Variants in MDH1B observed in about 807,000 individuals in gnomAD.
The protein encoded by MDH1B is putative malate dehydrogenase 1B.
In MDH1B, 60 loss-of-function variants were observed where a neutral mutation model predicts 61.4. The observed-to-expected ratio is 0.98, with a 90% CI of 0.79 to 1.21. MDH1B has a LOEUF of 1.21. Ranked by LOEUF, MDH1B falls within the 50% of genes most tolerant of loss-of-function variation. The pLI is 0.00. For synonymous variants in MDH1B, 236 were observed against 218.7 expected (o/e 1.08, Z -0.70); for missense variants, 587 against 632.1 (o/e 0.93, Z 0.76).
chr2:206,748,972 T>C, intron 7 of MDH1B, 48 bp downstream of exon 7: 2 of 1,551,308 alleles, frequency 1.3e-6, no homozygotes, highest in East Asian at 2.2e-5. Flanking sequence ...GCACGAGTTA[T>C]AGATAGAGGT....
chr2:206,756,656 T>G, intron 4 of MDH1B: 15 of 463,876 alleles, frequency 3.2e-5, no homozygotes, highest in East Asian at 7.9e-5. Context: ...ATAGAGTTGT[T>G]TTTAGACCAA....
chr2:206,759,850 C>T (rs930345052), intron 2 of MDH1B, among the ~76,000 whole-genome samples: 12 of 152,254 alleles, frequency 7.9e-5, no homozygotes, highest in Non-Finnish European at 1.8e-4. Context: ...GCACTACCAA[C>T]CCAGCAGATG....
Position 206,750,950 on chromosome 2 carries a change from T to C in MDH1B, c.1036A>G (p.Asn346Asp). 6.2e-7 allele frequency: 1 copy of C among 1,608,300 alleles called. No homozygotes were observed. Among genetic ancestry groups the C allele is most frequent in the Non-Finnish European group, 8.5e-7 (1 of 1,177,516 alleles). The change falls in exon 6 of 12, where the codon AAC (asparagine) becomes GAC (aspartate). Residue 346 changes from asparagine (N) to aspartate (D), a missense_variant. Transcript: ENST00000374412. Reference sequence around the variant, plus strand: ...ATACTGTACCTGTCAAAAATCAAGTTTAAAACAGGGCGTGAATAATGAAGA... The same window carrying C: ...ATACTGTACCTGTCAAAAATCAAGTCTAAAACAGGGCGTGAATAATGAAGA... ...GPLHYSRPVL[N>D]LIFDSEWVKR... is the part of the protein sequence containing the mutation.
At chr2:206,752,394 T>A (rs946264818) in intron 5 of MDH1B, among the ~76,000 whole-genome samples, 5 of 152,160 alleles carry the variant, frequency 3.3e-5, no homozygotes, top group Non-Finnish European at 7.4e-5. Flanking sequence ...AGATTTTCGG[T>A]AGCCCACCAT....
chr2:206,761,853 C>T (rs1689114568), intron 1 of MDH1B, among the ~76,000 whole-genome samples: 1 of 152,134 alleles, frequency 6.6e-6, no homozygotes, highest in Admixed American at 6.5e-5. Flanking sequence ...TCTGAAGCTA[C>T]CCCTGTCTAT....
intron 5 of MDH1B, among the ~76,000 whole-genome samples, chr2:206,751,422 G>A (rs1688433973): frequency 6.6e-6 from 1 of 152,200 alleles, no homozygotes; most frequent in African/African-American, 2.4e-5. Context: ...GAGAGAGTGA[G>A]TGAGAGGTCA....
At chr2:206,749,994 C>T (rs1314356979) in intron 6 of MDH1B, among the ~76,000 whole-genome samples, 1 of 152,146 alleles carries the variant, frequency 6.6e-6, no homozygotes, top group Non-Finnish European at 1.5e-5. Flanking sequence ...GCTAACCCTG[C>T]ACGACACAGC....
intron 5 of MDH1B, among the ~76,000 whole-genome samples, chr2:206,753,933 T>C (rs1403690634): frequency 6.6e-6 from 1 of 151,526 alleles, no homozygotes; most frequent in South Asian, 2.1e-4. Context: ...TTTTCAGTAG[T>C]GTATCATAGA....
At chr2:206,743,315 T>C (rs968215603) in intron 9 of MDH1B, among the ~76,000 whole-genome samples, 13 of 152,348 alleles carry the variant, frequency 8.5e-5, no homozygotes, top group African/African-American at 2.6e-4. Flanking sequence ...CATCTGACAG[T>C]GTAGAACAGT....
At chr2:206,765,193 A>G (rs2105966018) in intron 1 of MDH1B, 57 bp downstream of exon 1, 1 of 1,587,740 alleles carries the variant, frequency 6.3e-7, no homozygotes, top group Non-Finnish European at 8.5e-7. Flanking sequence ...CGGCCATGGG[A>G]GGTGAGCTGT....
chr2:206,751,612 A>T (rs1457745075), intron 5 of MDH1B, among the ~76,000 whole-genome samples: 1 of 152,214 alleles, frequency 6.6e-6, no homozygotes. Flanking sequence ...ATAGTTATGA[A>T]TTCTATTCTA....
Position 206,750,984 on chromosome 2 carries a change from A to G in MDH1B, c.1002T>C (p.Ile334=). ...GGCGTGAATAATGAAGAGGTCCCCA[A>G]ATGGCACTCTCATATCTGTACACCC... ...KTRVYRYESA[I]WGPLHYSRPV... is the part of the protein sequence containing the mutation. The change falls in exon 6 of 12, where the codon ATT becomes ATC. Residue 334 remains isoleucine (I), a synonymous_variant. Transcript: ENST00000374412. 8 of 1,612,092 alleles carry G rather than the reference A, an allele frequency of 5.0e-6. No homozygotes were observed. Among genetic ancestry groups the G allele is most frequent in the Non-Finnish European group, 6.8e-6 (8 of 1,178,822 alleles).
intron 4 of MDH1B, among the ~76,000 whole-genome samples, chr2:206,755,831 T>C (rs916354301): frequency 3.3e-5 from 5 of 152,152 alleles, no homozygotes; most frequent in Non-Finnish European, 7.3e-5. Flanking sequence ...TGTGTTTATA[T>C]TTCCTCCTAA....
chr2:206,757,046 T>C lies in MDH1B; in HGVS notation c.271-6A>G. The C allele has an allele frequency of 1.2e-6, 2 of 1,610,888 alleles. No homozygotes were observed. Among genetic ancestry groups the C allele is most frequent in the Non-Finnish European group, 1.7e-6 (2 of 1,178,456 alleles). On this transcript the variant is annotated splice_polypyrimidine_tract_variant and splice_region_variant and intron_variant, in intron 3 of 11. Coordinates refer to ENST00000374412, the MANE Select transcript of MDH1B (RefSeq NM_001039845.3). The stretch of plus-strand genomic sequence containing the variant: ...GAGGTGACATCATAGTAAAGCTAAA[T>C]ATTGGGAGAGAAAAAGTCAATATCA...
At chr2:206,763,872 G>A (rs1328085746) in intron 1 of MDH1B, among the ~76,000 whole-genome samples, 1 of 143,872 alleles carries the variant, frequency 7.0e-6, no homozygotes, top group Non-Finnish European at 1.5e-5. Context: ...CTCTCCCTCT[G>A]GGAAACCCTT....
At chr2:206,750,095 G>C (rs775428500) in intron 6 of MDH1B, among the ~76,000 whole-genome samples, 1 of 152,012 alleles carries the variant, frequency 6.6e-6, no homozygotes, top group Non-Finnish European at 1.5e-5. Flanking sequence ...CTAGGCAGGG[G>C]CGAAGCTCCT....
At chr2:206,754,892 T>C in intron 5 of MDH1B, 117 bp downstream of exon 5, 1 of 1,194,690 alleles carries the variant, frequency 8.4e-7, no homozygotes, top group Non-Finnish European at 1.2e-6. Context: ...ATGTCTGTTT[T>C]ATACTTCCTA....
rs368519262 is a variant in MDH1B at position 206,748,944 on chromosome 2, G to T, written c.1216+76C>A. The T allele has an allele frequency of 8.0e-5, 105 of 1,306,792 alleles. No homozygotes were observed. The African/African-American group carries it at 1.4e-3, about 17-fold the overall frequency. The allele number at this position is 1,306,792 out of a possible 1,614,324, so 80.9% of individuals were successfully genotyped here. On this transcript the variant is annotated intron_variant, in intron 7 of 11. Transcript: ENST00000374412. Reference sequence around the variant, plus strand: ...GGACCATGTTAAGAGCTAGATGGGTGGGGACACAGAATTAGGAGCACGAGT... The same window carrying T: ...GGACCATGTTAAGAGCTAGATGGGTTGGGACACAGAATTAGGAGCACGAGT...
In MDH1B at chr2:206,755,552, C is replaced by T. The variant is rs1008226720; in HGVS notation, c.414-47G>A. 6 of 1,546,512 alleles carry T rather than the reference C, an allele frequency of 3.9e-6. No individual in the cohort carries two copies. In the African/African-American group the frequency reaches 6.9e-5, roughly 18 times the overall value. On this transcript the variant is annotated intron_variant, in intron 4 of 11. Coordinates refer to ENST00000374412, the MANE Select transcript of MDH1B (RefSeq NM_001039845.3). ...ATTGTGAATAGTTATATCCTTTGTCCCTTTTAAGCCTTTATTCTTAATAGA... is the reference window on the plus strand; with the variant it reads ...ATTGTGAATAGTTATATCCTTTGTCTCTTTTAAGCCTTTATTCTTAATAGA...
Sources: gnomAD v4.1 joint callset for allele counts (sites outside exome capture counted in the v4.1 genomes callset) on GRCh38, gnomAD v4.1.1 for gene constraint, MANE v1.5 for transcripts, NCBI Gene and HGNC (gene_info 2026-07-23, HGNC 2026-07-21) for gene names.